Variants in SMAD1 observed in about 807,000 individuals in gnomAD.
The protein encoded by SMAD1 is MAD, mothers against decapentaplegic homolog 1.
SMAD1 carries 6 observed loss-of-function variants against 41.6 expected under a neutral mutation model. That is an observed-to-expected ratio of 0.14 (90% CI 0.08 to 0.28). The LOEUF (loss-of-function observed/expected upper bound fraction) is 0.28, where lower values mean the gene tolerates loss of function less well. SMAD1 is among the 10% of genes least tolerant of loss of function. The probability of loss-of-function intolerance (pLI) is 1.00; values close to 1 mark genes in which losing one functional copy is unlikely to be tolerated. For missense variants in SMAD1, 379 were observed against 582.6 expected, an observed-to-expected ratio of 0.65 and a Z score of 3.60; for synonymous variants, 206 against 203.2, an observed-to-expected ratio of 1.01 and a Z score of -0.12.
chr4:145,533,981 TAATTA>T (rs542734842), intron 2 of SMAD1, among the ~76,000 whole-genome samples: 35 of 152,096 alleles, frequency 2.3e-4, no homozygotes, highest in African/African-American at 8.0e-4. Context: ...TTAAAAGAGG[TAATTA>T]AATTAAATGA....
chr4:145,521,480 G>T (rs1026766800), intron 2 of SMAD1, among the ~76,000 whole-genome samples: 5 of 152,140 alleles, frequency 3.3e-5, no homozygotes, highest in Admixed American at 6.5e-5. Context: ...TTCATTTTCA[G>T]CATGATGGCT....
intron 5 of SMAD1, 90 bp downstream of exon 5, chr4:145,547,014 G>A (rs375845880): frequency 2.9e-6 from 3 of 1,047,428 alleles, no homozygotes; most frequent in Admixed American, 3.6e-5. Context: ...GTAACAAACT[G>A]TTGTAGCAAA....
chr4:145,485,574 C>T (rs1465784845), intron 1 of SMAD1, among the ~76,000 whole-genome samples: 1 of 152,136 alleles, frequency 6.6e-6, no homozygotes, highest in Non-Finnish European at 1.5e-5. Flanking sequence ...CACTTGTTAA[C>T]TCTACTAATG....
intron 2 of SMAD1, among the ~76,000 whole-genome samples, chr4:145,516,228 C>A (rs1320233932): frequency 6.6e-6 from 1 of 152,042 alleles, no homozygotes; most frequent in Non-Finnish European, 1.5e-5. Context: ...ATGTATGAGT[C>A]CATGACAATA....
At chr4:145,529,999 T>C (rs1332705050) in intron 2 of SMAD1, among the ~76,000 whole-genome samples, 1 of 152,186 alleles carries the variant, frequency 6.6e-6, no homozygotes, top group Non-Finnish European at 1.5e-5. Flanking sequence ...ATGAACCCAC[T>C]TATAGTAGAC....
intron 3 of SMAD1, among the ~76,000 whole-genome samples, chr4:145,541,408 G>T (rs1245968309): frequency 6.6e-6 from 1 of 152,184 alleles, no homozygotes; most frequent in East Asian, 1.9e-4. Context: ...ATTTTCACCA[G>T]CTTCTTGGCA....
intron 2 of SMAD1, among the ~76,000 whole-genome samples, chr4:145,533,180 A>G (rs937197187): frequency 6.6e-6 from 1 of 151,784 alleles, no homozygotes; most frequent in Non-Finnish European, 1.5e-5. Flanking sequence ...TCTCTGCCAC[A>G]TTAATACTTC....
intron 2 of SMAD1, among the ~76,000 whole-genome samples, chr4:145,518,336 A>G (rs955536507): frequency 2.4e-5 from 3 of 125,318 alleles, no homozygotes; most frequent in African/African-American, 7.6e-5. Context: ...TAAAAATACA[A>G]AAATAAGCCT....
chr4:145,541,818 G>T (rs1034719607), intron 3 of SMAD1, among the ~76,000 whole-genome samples: 1 of 152,212 alleles, frequency 6.6e-6, no homozygotes, highest in Non-Finnish European at 1.5e-5. Context: ...CTAGTGAGGA[G>T]CTTGCTTTTG....
At chr4:145,548,137 C>T (rs896735106) in intron 5 of SMAD1, among the ~76,000 whole-genome samples, 2 of 152,138 alleles carry the variant, frequency 1.3e-5, no homozygotes, top group Non-Finnish European at 2.9e-5. Context: ...CTTAGAGGGC[C>T]TTCCACTGGC....
chr4:145,504,571 ATTTTTAGGGGTACTGT>A (rs1032882493), intron 1 of SMAD1, among the ~76,000 whole-genome samples: 8 of 151,962 alleles, frequency 5.3e-5, no homozygotes, highest in East Asian at 3.9e-4. Context: ...ACCTGTCTTC[ATTTTTAGGGGTACTGT>A]TTTTTAGGGG....
At chr4:145,555,065 GTGTT>G (rs1732764423) in intron 6 of SMAD1, among the ~76,000 whole-genome samples, 1 of 152,170 alleles carries the variant, frequency 6.6e-6, no homozygotes, top group East Asian at 1.9e-4. Context: ...TGTTCCCTTA[GTGTT>G]TGTTTTTGTG....
chr4:145,533,598 C>G (rs144538958), intron 2 of SMAD1, among the ~76,000 whole-genome samples: 1 of 151,916 alleles, frequency 6.6e-6, no homozygotes, highest in Non-Finnish European at 1.5e-5. Flanking sequence ...GCAGGAGGAT[C>G]GCTTAAGCCC....
intron 4 of SMAD1, among the ~76,000 whole-genome samples, chr4:145,543,156 A>G (rs1732049137): frequency 6.6e-6 from 1 of 152,106 alleles, no homozygotes; most frequent in Non-Finnish European, 1.5e-5. Flanking sequence ...TAGTAGAGAC[A>G]GGGTTTCACC....
intron 4 of SMAD1, chr4:145,544,581 CAAAAAAAAAAA>C (rs1290488815): frequency 9.2e-6 from 1 of 108,978 alleles, no homozygotes; most frequent in South Asian, 2.9e-4. Context: ...AACTCAGTCT[CAAAAAAAAAAA>C]AGAAAAAAAA....
At chr4:145,557,391 T>G (rs3816967) in intron 6 of SMAD1, among the ~76,000 whole-genome samples, 29,071 of 152,200 alleles carry the variant, frequency 0.19, 5,809 homozygotes, top group African/African-American at 0.5. Context: ...TTGAATGTCA[T>G]TCTGTCTAGC....
chr4:145,489,793 A>C (rs1728678755), intron 1 of SMAD1, among the ~76,000 whole-genome samples: 3 of 152,208 alleles, frequency 2.0e-5, no homozygotes, highest in African/African-American at 7.2e-5. Flanking sequence ...GGGTATTCTG[A>C]GACAACCACA....
At chr4:145,508,199 A>G (rs1729892689) in intron 1 of SMAD1, among the ~76,000 whole-genome samples, 1 of 151,528 alleles carries the variant, frequency 6.6e-6, no homozygotes, top group Non-Finnish European at 1.5e-5. Flanking sequence ...AAAACCTTCC[A>G]CTTGTCCATA....
intron 5 of SMAD1, among the ~76,000 whole-genome samples, chr4:145,552,599 C>T (rs937819577): frequency 6.6e-6 from 1 of 152,312 alleles, no homozygotes; most frequent in Admixed American, 6.5e-5. Flanking sequence ...TCTAATTTTA[C>T]ACACACAGTA....
Sources: allele counts gnomAD v4.1 joint callset (sites outside exome capture counted in the v4.1 genomes callset), GRCh38; gene constraint gnomAD v4.1.1; transcripts MANE v1.5; gene names NCBI Gene and HGNC (gene_info 2026-07-23, HGNC 2026-07-21).